The following CSMD3 variants were observed in gnomAD, a reference collection of about 807,000 sequenced individuals.
CSMD3 encodes the protein CUB and Sushi multiple domains 3, also known as CUB and sushi domain-containing protein 3.
In CSMD3, 177 loss-of-function variants were observed where a neutral mutation model predicts 435.2. The ratio of observed to expected loss-of-function variants is 0.41; its 90% CI spans 0.36 to 0.46. The LOEUF (loss-of-function observed/expected upper bound fraction) is 0.46, where lower values mean the gene tolerates loss of function less well. CSMD3 is among the 20% of genes least tolerant of loss of function. The pLI, the probability that CSMD3 is intolerant of heterozygous loss-of-function variation, is 0.34. For missense variants in CSMD3, 4,265 were observed against 4,504.6 expected (o/e 0.95, Z 1.52); for synonymous variants, 1,656 against 1,520.5 (o/e 1.09, Z -2.07).
chr8:113,369,791 G>A (rs1038684700), intron 1 of CSMD3, among the ~76,000 whole-genome samples: 2 of 151,828 alleles, frequency 1.3e-5, no homozygotes, highest in South Asian at 4.2e-4. Flanking sequence ...TATGTTAAGC[G>A]AAATAAGTCA....
In CSMD3 at chr8:112,503,910, T is replaced by A. The variant is rs2130915847; in HGVS notation, c.4963A>T (p.Ile1655Phe). 1 of 1,612,300 alleles carries A rather than the reference T, an allele frequency of 6.2e-7. No individual in the cohort carries two copies. The highest frequency in any genetic ancestry group is 8.5e-7 in the Non-Finnish European group (1 of 1,178,892). The change falls in exon 30 of 71, where the codon ATT (isoleucine) becomes TTT (phenylalanine). Residue 1655 changes from isoleucine to phenylalanine, a missense_variant. Transcript: ENST00000297405. The part of the protein sequence containing the change: ...YDGPDSNSPL[I>F]GSFQDSKLPE... The stretch of plus-strand genomic sequence containing the variant: ...AACTTGCTGTCTTGAAAACTTCCAA[T>A]CAGTGGGCTATTACTGTCTGGTCCA...
chr8:112,584,296 A>G (rs904563396), intron 23 of CSMD3, among the ~76,000 whole-genome samples: 5 of 151,834 alleles, frequency 3.3e-5, no homozygotes, highest in African/African-American at 1.2e-4. Flanking sequence ...GAGGAACTGA[A>G]TCAGAAAACC....
rs750394133 is a variant in CSMD3, at chr8:112,265,507, T to C, written c.9592A>G (p.Met3198Val). The change falls in exon 60 of 71, where the codon ATG becomes GTG. Residue 3198 changes from methionine to valine, a missense_variant. Met to Val is a conservative substitution (Grantham distance 21). This residue lies in a region of CSMD3 where 3,255 missense variants were observed against 3,380.2 expected (regional missense o/e 0.96). Coordinates refer to ENST00000297405, the MANE Select transcript of CSMD3 (RefSeq NM_198123.2). ...TCCATCGTGTAGCCTGGCTGGCACA[T>C]GTAAGAAACATTTTGTCCAACCACA... ...DYVVGQNVSY[M>V]CQPGYTMELN... 3.1e-6 allele frequency: 5 copies of C among 1,613,554 alleles called. No individual in the cohort carries two copies. Among genetic ancestry groups the C allele is most frequent in the Admixed American group, 1.7e-5 (1 of 59,984 alleles).
chr8:112,881,375 TA>T (rs1403656137), intron 10 of CSMD3, among the ~76,000 whole-genome samples: 8 of 152,096 alleles, frequency 5.3e-5, no homozygotes, highest in African/African-American at 1.9e-4. Flanking sequence ...CAAAGCATGT[TA>T]AAAATCTGGA....
At chr8:113,176,529 T>G (rs2092348957) in intron 3 of CSMD3, among the ~76,000 whole-genome samples, 1 of 152,158 alleles carries the variant, frequency 6.6e-6, no homozygotes, top group South Asian at 2.1e-4. Flanking sequence ...GTTTTAAAAC[T>G]AAGTAGTGCT....
intron 13 of CSMD3, among the ~76,000 whole-genome samples, chr8:112,691,188 C>G (rs2076129338): frequency 6.6e-6 from 1 of 152,106 alleles, no homozygotes; most frequent in African/African-American, 2.4e-5. Flanking sequence ...TTTAGAGATA[C>G]TATTGAACAT....
chr8:113,104,305 A>T (rs1457954700), intron 4 of CSMD3, among the ~76,000 whole-genome samples: 1 of 152,126 alleles, frequency 6.6e-6, no homozygotes, highest in East Asian at 1.9e-4. Context: ...CCTTTGCTAA[A>T]TCTATAATTT....
At chr8:113,182,749 G>A (rs2092440750) in intron 3 of CSMD3, among the ~76,000 whole-genome samples, 1 of 151,984 alleles carries the variant, frequency 6.6e-6, no homozygotes, top group South Asian at 2.1e-4. Flanking sequence ...TTGTCTATAA[G>A]GAGAAGCTGG....
At chr8:112,576,550 T>C (rs1239582533) in intron 23 of CSMD3, among the ~76,000 whole-genome samples, 1 of 152,020 alleles carries the variant, frequency 6.6e-6, no homozygotes, top group East Asian at 1.9e-4. Context: ...TTATTCATTT[T>C]TTTGACAGGG....
intron 1 of CSMD3, among the ~76,000 whole-genome samples, chr8:113,427,599 C>T (rs1050952826): frequency 3.3e-5 from 5 of 151,544 alleles, no homozygotes; most frequent in Admixed American, 3.3e-4. Context: ...TTTCTCTGGC[C>T]TGTCCCCTCT....
chr8:112,279,952 T>C (rs1818465436), intron 59 of CSMD3, among the ~76,000 whole-genome samples: 1 of 152,112 alleles, frequency 6.6e-6, no homozygotes, highest in South Asian at 2.1e-4. Context: ...AAACTTTGCA[T>C]GCAATATATT....
chr8:113,343,985 T>C (rs766852999), intron 1 of CSMD3, among the ~76,000 whole-genome samples: 53 of 152,276 alleles, frequency 3.5e-4, no homozygotes, highest in Non-Finnish European at 7.1e-4. Context: ...TAAATTTATA[T>C]TTAAAAACAA....
At chr8:112,700,538 G>C (rs1163111935) in intron 13 of CSMD3, among the ~76,000 whole-genome samples, 2 of 151,926 alleles carry the variant, frequency 1.3e-5, no homozygotes, top group Non-Finnish European at 1.5e-5. Flanking sequence ...ACAAAAGGTA[G>C]AGTCAAATTC....
At chr8:112,986,166 T>C (rs1337908380) in intron 6 of CSMD3, among the ~76,000 whole-genome samples, 1 of 152,198 alleles carries the variant, frequency 6.6e-6, no homozygotes, top group Non-Finnish European at 1.5e-5. Flanking sequence ...AAATGTCACG[T>C]AATCAACAAT....
intron 10 of CSMD3, among the ~76,000 whole-genome samples, chr8:112,880,108 CTTAAG>C (rs755768302): frequency 6.6e-6 from 1 of 151,972 alleles, no homozygotes; most frequent in South Asian, 2.1e-4. Flanking sequence ...TTTAAAAAGG[CTTAAG>C]TTAACAATTT....
At chr8:112,565,567 G>T (rs890126789) in intron 24 of CSMD3, among the ~76,000 whole-genome samples, 1 of 152,100 alleles carries the variant, frequency 6.6e-6, no homozygotes, top group African/African-American at 2.4e-5. Context: ...CTGGAAGGCT[G>T]AGAACATCCA....
intron 51 of CSMD3, among the ~76,000 whole-genome samples, chr8:112,305,234 T>A (rs2130782179): frequency 6.6e-6 from 1 of 152,230 alleles, no homozygotes; most frequent in South Asian, 2.1e-4. Flanking sequence ...TTTGAGGAAA[T>A]TTTTTTGATG....
intron 32 of CSMD3, among the ~76,000 whole-genome samples, chr8:112,428,649 G>A (rs1417679765): frequency 6.6e-6 from 1 of 152,094 alleles, no homozygotes; most frequent in Non-Finnish European, 1.5e-5. Flanking sequence ...GCTAAATTCA[G>A]TGGTGGAAAT....
chr8:113,215,705 G>T (rs991518333), intron 3 of CSMD3, among the ~76,000 whole-genome samples: 1 of 151,668 alleles, frequency 6.6e-6, no homozygotes, highest in African/African-American at 2.4e-5. Context: ...AAAACATATA[G>T]CCTTGATAAA....
Sources: allele counts gnomAD v4.1 joint callset (sites outside exome capture counted in the v4.1 genomes callset), GRCh38; gene constraint gnomAD v4.1.1; regional missense constraint gnomAD v4.1.1; transcripts MANE v1.5; gene names NCBI Gene and HGNC (gene_info 2026-07-23, HGNC 2026-07-21).